The following CHN2 variants were observed in gnomAD, a reference collection of about 807,000 sequenced individuals.
CHN2 encodes the protein beta-chimaerin.
A neutral mutation model predicts 56.3 loss-of-function variants in CHN2; 35 were observed. The ratio of observed to expected loss-of-function variants is 0.62; its 90% CI spans 0.47 to 0.82. The LOEUF is 0.82. Ranked by LOEUF, CHN2 falls within the 40% of genes least tolerant of loss-of-function variation. The pLI, the probability that CHN2 is intolerant of heterozygous loss-of-function variation, is 0.00. For missense variants in CHN2, 491 were observed against 580.5 expected (o/e 0.85, Z 1.58); for synonymous variants, 210 against 212.8 (o/e 0.99, Z 0.12).
chr7:29,476,369 T>A (rs1786583782), intron 6 of CHN2, among the ~76,000 whole-genome samples: 1 of 151,924 alleles, frequency 6.6e-6, no homozygotes, highest in Non-Finnish European at 1.5e-5. Context: ...AAACCCCATC[T>A]CTACTAAAAA....
At chr7:29,200,502 C>T (rs1477586534) in intron 1 of CHN2, among the ~76,000 whole-genome samples, 4 of 122,058 alleles carry the variant, frequency 3.3e-5, no homozygotes, top group Non-Finnish European at 4.9e-5. Flanking sequence ...TCTTTTTCTT[C>T]TCTCATCTGT....
At chr7:29,456,620 C>CAA (rs1385411352) in intron 6 of CHN2, among the ~76,000 whole-genome samples, 1 of 137,386 alleles carries the variant, frequency 7.3e-6, no homozygotes, top group Non-Finnish European at 1.6e-5. Context: ...CCCCCTCCCC[C>CAA]CCACCACCAC....
At chr7:29,283,934 T>A (rs1584957508) in intron 1 of CHN2, among the ~76,000 whole-genome samples, 1 of 86,590 alleles carries the variant, frequency 1.2e-5, no homozygotes, top group Non-Finnish European at 2.4e-5. Context: ...TTTTTTTTTT[T>A]TTTTTTTTTT....
intron 6 of CHN2, among the ~76,000 whole-genome samples, chr7:29,417,645 T>C (rs943298364): frequency 2.0e-5 from 3 of 152,160 alleles, no homozygotes; most frequent in East Asian, 1.9e-4. Context: ...TTTGCAAAAA[T>C]CAGGCAATTT....
At chr7:29,211,239 T>C (rs1443785881) in intron 1 of CHN2, among the ~76,000 whole-genome samples, 1 of 147,510 alleles carries the variant, frequency 6.8e-6, no homozygotes, top group African/African-American at 2.5e-5. Context: ...CCCAGCTAAT[T>C]TTTTGTATTT....
intron 1 of CHN2, among the ~76,000 whole-genome samples, chr7:29,312,779 A>G (rs446): frequency 0.19 from 28,752 of 152,068 alleles, 2,884 homozygotes; most frequent in South Asian, 0.3. Context: ...CTATTCCCAA[A>G]TAATGGCATT....
intron 6 of CHN2, among the ~76,000 whole-genome samples, chr7:29,412,342 TTTTTTTGG>T (rs1803314098): frequency 1.0e-5 from 1 of 96,244 alleles, no homozygotes; most frequent in African/African-American, 4.3e-5. Flanking sequence ...TTTTTTTTTT[TTTTTTTGG>T]GAGACGGAGT....
chr7:29,247,229 G>C (rs1458977482), intron 1 of CHN2, among the ~76,000 whole-genome samples: 1 of 152,138 alleles, frequency 6.6e-6, no homozygotes, highest in African/African-American at 2.4e-5. Flanking sequence ...TCTGAGCTTG[G>C]GGACTGAGAT....
chr7:29,226,446 A>G (rs892837393), intron 1 of CHN2, among the ~76,000 whole-genome samples: 2 of 152,224 alleles, frequency 1.3e-5, no homozygotes, highest in Non-Finnish European at 2.9e-5. Flanking sequence ...ATTTCCTGCC[A>G]TGAAGACAGT....
At chr7:29,419,932 C>T (rs1804161050) in intron 6 of CHN2, among the ~76,000 whole-genome samples, 1 of 151,968 alleles carries the variant, frequency 6.6e-6, no homozygotes, top group Non-Finnish European at 1.5e-5. Context: ...TGGTGGCACG[C>T]ACCTGTAATC....
chr7:29,242,578 C>T, intron 1 of CHN2, among the ~76,000 whole-genome samples: 1 of 151,328 alleles, frequency 6.6e-6, no homozygotes, highest in East Asian at 1.9e-4. Context: ...GGTGGATAGG[C>T]TCTAAATAGA....
At chr7:29,154,059 A>T (rs1467233540) in intron 2 of CHN2, among the ~76,000 whole-genome samples, 1 of 152,180 alleles carries the variant, frequency 6.6e-6, no homozygotes, top group African/African-American at 2.4e-5. Context: ...TTGACTGCAC[A>T]GGGGGTTGAC....
At chr7:29,158,295 C>T (rs1483523068) in intron 2 of CHN2, among the ~76,000 whole-genome samples, 1 of 152,164 alleles carries the variant, frequency 6.6e-6, no homozygotes, top group Non-Finnish European at 1.5e-5. Context: ...TTCTTAGGAC[C>T]TCAGTTTCCA....
intron 6 of CHN2, among the ~76,000 whole-genome samples, chr7:29,449,366 T>C (rs554817599): frequency 2.6e-5 from 4 of 152,336 alleles, no homozygotes; most frequent in East Asian, 1.9e-4. Context: ...CAGATTCTTA[T>C]GGTGGGAGAC....
chr7:29,297,579 G>T (rs367652013), intron 1 of CHN2, among the ~76,000 whole-genome samples: 64 of 152,230 alleles, frequency 4.2e-4, no homozygotes, highest in African/African-American at 1.5e-3. Context: ...GAAACAAGGT[G>T]GGGGGAGGGT....
intron 6 of CHN2, among the ~76,000 whole-genome samples, chr7:29,428,154 T>A (rs1805070189): frequency 6.6e-6 from 1 of 152,166 alleles, no homozygotes; most frequent in Admixed American, 6.5e-5. Context: ...AGTTTCCTCA[T>A]CTCTAAAATG....
chr7:29,400,902 C>T (rs532162770), intron 6 of CHN2, 74 bp downstream of exon 6: 5 of 1,460,972 alleles, frequency 3.4e-6, no homozygotes, highest in Middle Eastern at 1.8e-4. Context: ...ACTATAGGTG[C>T]GATTTGCTGA....
At chr7:29,176,083 G>A (rs1221363830) in intron 2 of CHN2, among the ~76,000 whole-genome samples, 3 of 152,104 alleles carry the variant, frequency 2.0e-5, no homozygotes, top group Admixed American at 6.5e-5. Flanking sequence ...CTACTCGGGA[G>A]GCTGAGGCAG....
chr7:29,147,050 A>G, intron 2 of CHN2: 5 of 1,503,300 alleles, frequency 3.3e-6, no homozygotes, highest in Admixed American at 2.2e-5. Context: ...GTTCTGTACC[A>G]TTATACCCAT....
Sources: gnomAD v4.1 joint callset for allele counts (sites outside exome capture counted in the v4.1 genomes callset) on GRCh38, gnomAD v4.1.1 for gene constraint, MANE v1.5 for transcripts, NCBI Gene and HGNC (gene_info 2026-07-23, HGNC 2026-07-21) for gene names.